BSN: variants seen among roughly 807,000 people sequenced by gnomAD.
BSN encodes the protein protein bassoon.
Under a neutral mutation model 264.8 loss-of-function variants are expected in BSN, and 57 were observed. The observed-to-expected ratio is 0.22, with a 90% CI of 0.17 to 0.27. The LOEUF is 0.27. BSN is among the 10% of genes least tolerant of loss of function. BSN has a pLI of 1.00. For synonymous variants in BSN, 2,059 were observed against 2,137.3 expected (o/e 0.96, Z 1.01); for missense variants, 4,615 against 5,232.5 (o/e 0.88, Z 3.64).
In BSN at chr3:49,654,011, C is replaced by T. The variant is rs199638620; in HGVS notation, c.4455C>T (p.Pro1485=). ...SSSPPLSPSS[P]SESPTFSPGK... is the part of the protein sequence containing the mutation. The stretch of plus-strand genomic sequence containing the variant: ...GCCCACCTCTCTCCCCGTCTTCCCC[C>T]TCAGAGAGTCCCACATTCTCCCCTG... The change falls in exon 5 of 12, where the codon CCC becomes CCT. Residue 1485 remains proline, a synonymous_variant. Coordinates refer to ENST00000296452, the MANE Select transcript of BSN (RefSeq NM_003458.4). The surrounding 1 kb of genome is among the most constrained non-coding windows in gnomAD (Gnocchi z 4.1). 16 of 1,613,916 alleles carry T rather than the reference C, an allele frequency of 9.9e-6. No individual in the cohort carries two copies. The East Asian group carries it at 2.9e-4, about 29-fold the overall frequency.
At chr3:49,588,831 T>G (rs1575430393) in intron 1 of BSN, among the ~76,000 whole-genome samples, 1 of 152,290 alleles carries the variant, frequency 6.6e-6, no homozygotes, top group East Asian at 1.9e-4. Flanking sequence ...TTTTGAGGTT[T>G]GTTTTGTGGC....
intron 1 of BSN, among the ~76,000 whole-genome samples, chr3:49,560,179 C>G (rs1426911134): frequency 6.6e-6 from 1 of 152,134 alleles, no homozygotes; most frequent in African/African-American, 2.4e-5. Flanking sequence ...AAATCTTTCC[C>G]CTTATCACAG....
At chr3:49,658,822 G>T (rs144553388) in intron 5 of BSN, among the ~76,000 whole-genome samples, 3 of 152,316 alleles carry the variant, frequency 2.0e-5, no homozygotes, top group Non-Finnish European at 4.4e-5. Flanking sequence ...GCTTACCCTT[G>T]GTTGTGGCTT....
chr3:49,606,208 T>A, intron 1 of BSN, among the ~76,000 whole-genome samples: 1 of 64,368 alleles, frequency 1.6e-5, no homozygotes, highest in Non-Finnish European at 2.7e-5. Flanking sequence ...ATATATTATA[T>A]ATGTATATAT....
At chr3:49,606,546 C>T (rs906738629) in intron 1 of BSN, among the ~76,000 whole-genome samples, 1 of 151,538 alleles carries the variant, frequency 6.6e-6, no homozygotes, top group Non-Finnish European at 1.5e-5. Flanking sequence ...GTGCCTTGCT[C>T]ACTACGAGGT....
chr3:49,576,894 AT>A (rs1346445203), intron 1 of BSN, among the ~76,000 whole-genome samples: 1 of 152,140 alleles, frequency 6.6e-6, no homozygotes, highest in Non-Finnish European at 1.5e-5. Context: ...GGTGCCCTAC[AT>A]TGGTATATGC....
At chr3:49,557,732 C>T (rs540435890) in intron 1 of BSN, among the ~76,000 whole-genome samples, 3 of 152,068 alleles carry the variant, frequency 2.0e-5, no homozygotes, top group African/African-American at 7.2e-5. Flanking sequence ...CGCCCACCAC[C>T]GCACCCAGCT....
Position 49,663,043 on chromosome 3 carries a change from T to C in BSN, c.10885T>C (p.Trp3629Arg). The change falls in exon 7 of 12, where the codon TGG (tryptophan) becomes CGG (arginine). Residue 3629 changes from tryptophan to arginine, a missense_variant. Physicochemically the swap from Trp to Arg is moderately radical, Grantham distance 101 (BLOSUM62 -3). This residue lies in a region of BSN where 3,415 missense variants were observed against 3,866.4 expected (regional missense o/e 0.88). Transcript: ENST00000296452. ...CGATGAACCCCCTGAGGAGGGCCTG[T>C]GGCCTCATGATGAGGGTGGCCCAGG... ...DYDEPPEEGL[W>R]PHDEGGPGRH... 1.2e-6 allele frequency: 2 copies of C among 1,613,650 alleles called. No individual in the cohort carries two copies. Among genetic ancestry groups the C allele is most frequent in the South Asian group, 1.1e-5 (1 of 91,088 alleles).
At chr3:49,601,371 C>T (rs1191750580) in intron 1 of BSN, among the ~76,000 whole-genome samples, 2 of 152,232 alleles carry the variant, frequency 1.3e-5, no homozygotes, top group African/African-American at 4.8e-5. Flanking sequence ...GGTTCTTGTA[C>T]TTCTGGGCGT....
At position 49,625,079 on chromosome 3, in the gene BSN, G is replaced by C. The variant is rs779437137; in HGVS notation, c.329G>C (p.Arg110Pro). 1.2e-6 allele frequency: 2 copies of C among 1,607,518 alleles called. No homozygotes were observed. Among genetic ancestry groups the C allele is most frequent in the Non-Finnish European group, 1.7e-6 (2 of 1,177,304 alleles). The change falls in exon 2 of 12, where the codon CGA becomes CCA. Residue 110 changes from arginine (R) to proline (P), a missense_variant. Arg to Pro is a moderately radical substitution (Grantham distance 103). Transcript: ENST00000296452. The surrounding 1 kb of genome is among the most constrained non-coding windows in gnomAD (Gnocchi z 4.4). ...SATTPGHESP[R>P]ETRAQGPAGQ... ...ACCACTCCTGGCCATGAGAGCCCCC[G>C]AGAGACAAGGGCACAGGGACCAGCA...
At chr3:49,673,068 C>G (rs1229124639), downstream of BSN, among the ~76,000 whole-genome samples, 1 of 111,592 alleles carries the variant, frequency 9.0e-6, no homozygotes, top group Non-Finnish European at 1.9e-5. Flanking sequence ...CGTGAGCCAC[C>G]GCGCCCGGCC....
chr3:49,609,341 G>A (rs866685421), intron 1 of BSN, among the ~76,000 whole-genome samples: 58 of 151,334 alleles, frequency 3.8e-4, no homozygotes, highest in African/African-American at 1.2e-3. Context: ...AGGCACAAGC[G>A]ATCCTCCCAC....
At chr3:49,635,179 G>A (rs2052411518) in intron 2 of BSN, among the ~76,000 whole-genome samples, 1 of 152,184 alleles carries the variant, frequency 6.6e-6, no homozygotes, top group Admixed American at 6.5e-5. Flanking sequence ...CAGGCAGGTT[G>A]GGATGGAGAC....
chr3:49,620,212 G>A (rs1416112396), intron 1 of BSN, among the ~76,000 whole-genome samples: 1 of 152,074 alleles, frequency 6.6e-6, no homozygotes, highest in Non-Finnish European at 1.5e-5. Context: ...GGATCACAAG[G>A]TCAGGAGTTC....
intron 1 of BSN, among the ~76,000 whole-genome samples, chr3:49,562,345 A>G (rs2107999467): frequency 6.6e-6 from 1 of 152,326 alleles, no homozygotes; most frequent in South Asian, 2.1e-4. Flanking sequence ...TGAGGAATAA[A>G]AGAAGGAGCA....
rs955664880 is a variant in BSN, at chr3:49,651,201, G to A, written c.1986+122G>A. On this transcript the variant is annotated intron_variant, in intron 4 of 11. Transcript: ENST00000296452. This position sits in a 1 kb window ranked among gnomAD's most constrained non-coding sequence, Gnocchi z 5.4. ...CAGGTGCCTTGGGGCCACACAGGAGGGAAGGGACACAGTAGAAGGAAAGTC... is the reference window on the plus strand; with the variant it reads ...CAGGTGCCTTGGGGCCACACAGGAGAGAAGGGACACAGTAGAAGGAAAGTC... 4 of 978,416 alleles carry A rather than the reference G, an allele frequency of 4.1e-6. No homozygotes were observed. Among genetic ancestry groups the A allele is most frequent in the Non-Finnish European group, 5.9e-6 (4 of 681,744 alleles). The allele number at this position is 978,416 out of a possible 1,614,324, so 60.6% of individuals were successfully genotyped here.
At chr3:49,672,781 CTTTT>C (rs757536435), downstream of BSN, among the ~76,000 whole-genome samples, 1 of 106,984 alleles carries the variant, frequency 9.3e-6, no homozygotes, top group Non-Finnish European at 1.9e-5. Flanking sequence ...GCGCCTGGCA[CTTTT>C]TTTTTTTTTT....
intron 1 of BSN, among the ~76,000 whole-genome samples, chr3:49,573,084 C>T (rs891750399): frequency 2.6e-5 from 4 of 152,198 alleles, no homozygotes; most frequent in Admixed American, 2.0e-4. Flanking sequence ...CAGCCCTATT[C>T]TCAAGGAGAT....
rs1331737219 is a variant in BSN, at chr3:49,668,165, C to T, written c.*680C>T. 1.3e-5 allele frequency: 2 copies of T among 152,586 alleles called. No homozygotes were observed. The highest frequency in any genetic ancestry group is 2.4e-5 in the African/African-American group (1 of 41,422). 9.5% of individuals were successfully genotyped at this position (152,586 alleles called of 1,614,324 possible). Reference sequence around the variant, plus strand: ...CTGTCTCATCGCTGAAATAAGAGGCCATAGCACCGAAAAGCAGCGTGGGCG... The same window carrying T: ...CTGTCTCATCGCTGAAATAAGAGGCTATAGCACCGAAAAGCAGCGTGGGCG... On this transcript the variant is annotated 3_prime_UTR_variant, in exon 12 of 12. Coordinates refer to ENST00000296452, the MANE Select transcript of BSN (RefSeq NM_003458.4).
Sources: allele counts gnomAD v4.1 joint callset (sites outside exome capture counted in the v4.1 genomes callset), GRCh38; gene constraint gnomAD v4.1.1; regional missense constraint gnomAD v4.1.1; non-coding constraint Gnocchi (gnomAD v3.1); transcripts MANE v1.5; gene names NCBI Gene and HGNC (gene_info 2026-07-23, HGNC 2026-07-21).